Variants in CCNK observed in about 807,000 individuals in gnomAD.
CCNK encodes cyclin K.
In CCNK, 9 loss-of-function variants were observed where a neutral mutation model predicts 65.0. The observed-to-expected ratio is 0.14, with a 90% CI of 0.08 to 0.24. The LOEUF (loss-of-function observed/expected upper bound fraction) is 0.24. Ranked by LOEUF, CCNK falls within the 10% of genes least tolerant of loss-of-function variation. CCNK has a pLI of 1.00. For synonymous variants in CCNK, 279 were observed against 270.8 expected, an observed-to-expected ratio of 1.03 and a Z score of -0.30; for missense variants, 474 against 720.0, an observed-to-expected ratio of 0.66 and a Z score of 3.91.
intron 1 of CCNK, among the ~76,000 whole-genome samples, chr14:99,484,356 A>AC (rs1199904694): frequency 2.0e-5 from 3 of 151,932 alleles, no homozygotes; most frequent in African/African-American, 4.8e-5. Context: ...GTTAGTTACC[A>AC]CCCCCCTCCC....
intron 1 of CCNK, among the ~76,000 whole-genome samples, chr14:99,489,444 C>T (rs926989522): frequency 6.6e-6 from 1 of 152,102 alleles, no homozygotes; most frequent in South Asian, 2.1e-4. Flanking sequence ...GCGGGAGGAT[C>T]GCTTGAGGCC....
chr14:99,510,801 CTT>C lies in CCNK; in HGVS notation c.*21_*22del, dbSNP rs769954154. ...GAGATAACGTGAGCCTTTTTTCCCT[CTT>C]TGTTTTTTTAACAAGATTTTCTAAT... On this transcript the variant is annotated 3_prime_UTR_variant, in exon 11 of 11. Transcript: ENST00000389879. 29 of 1,412,328 alleles carry C rather than the reference CTT, an allele frequency of 2.1e-5. No individual in the cohort carries two copies. The highest frequency in any genetic ancestry group is 1.5e-4 in the African/African-American group (10 of 68,036). 87.5% of individuals were successfully genotyped at this position (1,412,328 alleles called of 1,614,324 possible).
chr14:99,492,447 T>C, intron 1 of CCNK, 179 bp from the exon 2 acceptor site: 1 of 492,596 alleles, frequency 2.0e-6, no homozygotes, highest in Non-Finnish European at 3.5e-6. Flanking sequence ...ATATTAGTAC[T>C]GGGGTCATCT....
At chr14:99,486,131 T>C (rs1025541556) in intron 1 of CCNK, among the ~76,000 whole-genome samples, 1 of 152,210 alleles carries the variant, frequency 6.6e-6, no homozygotes, top group Non-Finnish European at 1.5e-5. Flanking sequence ...AAGTAAACTT[T>C]CCTTAGTTCC....
chr14:99,487,135 C>T (rs965204347), intron 1 of CCNK, among the ~76,000 whole-genome samples: 1 of 152,192 alleles, frequency 6.6e-6, no homozygotes. Flanking sequence ...GATATTGATT[C>T]CCTCAGCCAA....
intron 9 of CCNK, chr14:99,504,037 G>A (rs1018289717): frequency 2.4e-5 from 9 of 371,684 alleles, no homozygotes; most frequent in East Asian, 1.8e-4. Context: ...TGTGCTGCCC[G>A]GACAGCACCA....
intron 1 of CCNK, among the ~76,000 whole-genome samples, chr14:99,491,198 G>A (rs1334932489): frequency 6.6e-6 from 1 of 152,110 alleles, no homozygotes; most frequent in Non-Finnish European, 1.5e-5. Context: ...TTGTGCACAT[G>A]TTGTTTCATA....
intron 3 of CCNK, chr14:99,494,382 G>A (rs1896656753): frequency 6.6e-6 from 1 of 152,200 alleles, no homozygotes; most frequent in African/African-American, 2.4e-5. Context: ...TGGCTTCAGT[G>A]GGTGAACAAT....
intron 4 of CCNK, among the ~76,000 whole-genome samples, chr14:99,497,347 T>G (rs1896724579): frequency 6.6e-6 from 1 of 152,200 alleles, no homozygotes; most frequent in African/African-American, 2.4e-5. Context: ...ATATAGGATG[T>G]AGCTTTTTCA....
chr14:99,490,924 G>A (rs1179017910), intron 1 of CCNK, among the ~76,000 whole-genome samples: 3 of 139,650 alleles, frequency 2.1e-5, no homozygotes, highest in Non-Finnish European at 3.1e-5. Context: ...GCAAGACTCC[G>A]TCTCAAAAAA....
intron 4 of CCNK, among the ~76,000 whole-genome samples, chr14:99,497,021 CAG>C (rs3918073): frequency 0.16 from 23,127 of 144,602 alleles, 2,319 homozygotes; most frequent in South Asian, 0.29. Context: ...AACACATGCA[CAG>C]CTTCCCCCAT....
chr14:99,499,019 T>C (rs1434493065), intron 4 of CCNK, among the ~76,000 whole-genome samples: 1 of 152,158 alleles, frequency 6.6e-6, no homozygotes, highest in Non-Finnish European at 1.5e-5. Context: ...GTGGTGACAA[T>C]GACATTCAAA....
chr14:99,502,800 C>A lies in CCNK; in HGVS notation c.827C>A (p.Pro276His). ...CACACCCCCCATCAGCTGCAACAGCCCCCATCTCTTCAGCCTACACCACAA... is the reference window on the plus strand; with the variant it reads ...CACACCCCCCATCAGCTGCAACAGCACCCATCTCTTCAGCCTACACCACAA... ...PHHTPHQLQQ[P>H]PSLQPTPQVP... The change falls in exon 8 of 11, where the codon CCC (proline) becomes CAC (histidine). Residue 276 changes from proline to histidine, a missense_variant. By Grantham distance (77) the Pro-to-His change is moderately conservative. Around this residue, in one of 6 missense-constraint regions of CCNK, gnomAD observed 229 missense variants for 275.5 expected, o/e 0.83. Coordinates refer to ENST00000389879, the MANE Select transcript of CCNK (RefSeq NM_001099402.2). 6.2e-7 allele frequency: 1 copy of A among 1,613,774 alleles called. No homozygotes were observed. The highest frequency in any genetic ancestry group is 8.5e-7 in the Non-Finnish European group (1 of 1,179,866).
rs767319893 is a variant in CCNK at position 99,481,466 on chromosome 14, G to T, written c.-66G>T. On this transcript the variant is annotated 5_prime_UTR_variant, in exon 1 of 11. Transcript: ENST00000389879. ...AAGGAGAGACGTCGCTGAGGGGCTTGCCTGAAGCGAGGGGTGAGTGACCCA... is the reference window on the plus strand; with the variant it reads ...AAGGAGAGACGTCGCTGAGGGGCTTTCCTGAAGCGAGGGGTGAGTGACCCA... 1.8e-5 allele frequency: 7 copies of T among 398,592 alleles called. No individual in the cohort carries two copies. Among genetic ancestry groups the T allele is most frequent in the Middle Eastern group, 6.2e-4 (1 of 1,612 alleles). 24.7% of individuals were successfully genotyped at this position (398,592 alleles called of 1,614,324 possible). A position where few individuals can be genotyped will look rare whatever the true frequency, so the allele number is the denominator to read the frequency against.
intron 3 of CCNK, chr14:99,494,661 TG>T (rs1160112693): frequency 6.6e-6 from 1 of 152,202 alleles, no homozygotes; most frequent in African/African-American, 2.4e-5. Flanking sequence ...CAGACCCCAG[TG>T]ATATAGGGAC....
In CCNK at chr14:99,503,144, C is replaced by G. The variant is rs1896881454; in HGVS notation, c.1011+160C>G. ...TGCTTGTCGGTGGGGAGCCTGAAAA[C>G]AAAGGTGCTCCAAGGACAGGCTGCC... On this transcript the variant is annotated intron_variant, in intron 8 of 10. Transcript: ENST00000389879. The G allele has an allele frequency of 4.8e-6, 4 of 841,058 alleles. No homozygotes were observed. The African/African-American group carries it at 5.0e-5, about 11-fold the overall frequency. 52.1% of individuals were successfully genotyped at this position (841,058 alleles called of 1,614,324 possible). A position where few individuals can be genotyped will look rare whatever the true frequency, so the allele number is the denominator to read the frequency against.
At chr14:99,503,058 T>C in intron 8 of CCNK, 74 bp downstream of exon 8, 2 of 1,515,654 alleles carry the variant, frequency 1.3e-6, no homozygotes, top group Non-Finnish European at 1.8e-6. Context: ...CTGTTCCCAT[T>C]TCTAAGCGAG....
chr14:99,492,059 T>G (rs1271484632), intron 1 of CCNK: 2 of 152,188 alleles, frequency 1.3e-5, no homozygotes, highest in African/African-American at 4.8e-5. Flanking sequence ...ATCCACCCAC[T>G]CCCCAAATCA....
intron 6 of CCNK, chr14:99,501,771 C>G (rs1019445610): frequency 4.0e-6 from 1 of 246,926 alleles, no homozygotes; most frequent in Admixed American, 5.2e-5. Context: ...TTTTGAGAGG[C>G]CAGGGATCTA....
Sources: gnomAD v4.1 joint callset for allele counts (sites outside exome capture counted in the v4.1 genomes callset) on GRCh38, gnomAD v4.1.1 for gene constraint, gnomAD v4.1.1 regional missense constraint, MANE v1.5 for transcripts, NCBI Gene and HGNC (gene_info 2026-07-23, HGNC 2026-07-21) for gene names.